Variants in PRKCD observed in about 807,000 individuals in gnomAD.
The protein encoded by PRKCD is protein kinase C delta type.
Under a neutral mutation model 82.2 loss-of-function variants are expected in PRKCD, and 20 were observed. The ratio of observed to expected loss-of-function variants is 0.24; its 90% CI spans 0.17 to 0.35. The LOEUF (loss-of-function observed/expected upper bound fraction) is 0.35. Ranked by LOEUF, PRKCD falls within the 10% of genes least tolerant of loss-of-function variation. The pLI is 1.00. For missense variants in PRKCD, 607 were observed against 899.0 expected, an observed-to-expected ratio of 0.68 and a Z score of 4.15; for synonymous variants, 317 against 337.0, an observed-to-expected ratio of 0.94 and a Z score of 0.65.
Position 53,184,877 on chromosome 3 carries a change from G to A in PRKCD, c.791G>A (p.Cys264Tyr). 6.2e-7 allele frequency: 1 copy of A among 1,613,762 alleles called. No homozygotes were observed. The highest frequency in any genetic ancestry group is 8.5e-7 in the Non-Finnish European group (1 of 1,179,782). The change falls in exon 10 of 19, where the codon TGC becomes TAC. Residue 264 changes from cysteine (C) to tyrosine (Y), a missense_variant. This residue lies in a region of PRKCD where 109 missense variants were observed against 155.6 expected (regional missense o/e 0.70). Coordinates refer to ENST00000330452, the MANE Select transcript of PRKCD (RefSeq NM_006254.4). ...CCCCGCTTCTCCCTCACCCCAGACT[G>A]CGGCATGAATGTGCACCATAAATGC... Reference protein sequence around the residue: ...LVKQGLKCEDCGMNVHHKCRE... With the variant: ...LVKQGLKCEDYGMNVHHKCRE...
rs1703546165 is a variant in PRKCD at position 53,183,496 on chromosome 3, G to A, written c.702G>A (p.Lys234=). 1.2e-6 allele frequency: 2 copies of A among 1,614,214 alleles called. No homozygotes were observed. The highest frequency in any genetic ancestry group is 1.7e-6 in the Non-Finnish European group (2 of 1,180,030). The change falls in exon 9 of 19, where the codon AAG becomes AAA. Residue 234 remains lysine (K), a synonymous_variant. Coordinates refer to ENST00000330452, the MANE Select transcript of PRKCD (RefSeq NM_006254.4). ...RFNIDMPHRF[K]VHNYMSPTFC... The stretch of plus-strand genomic sequence containing the variant: ...ACATCGACATGCCGCACCGCTTCAA[G>A]GTTCACAACTACATGAGCCCCACCT...
chr3:53,182,461 G>A (rs1163587182), intron 7 of PRKCD, among the ~76,000 whole-genome samples: 1 of 152,078 alleles, frequency 6.6e-6, no homozygotes, highest in African/African-American at 2.4e-5. Flanking sequence ...TAGAATAGGG[G>A]CTTTGTCATG....
At chr3:53,187,065 G>GTA (rs1422296619) in intron 14 of PRKCD, among the ~76,000 whole-genome samples, 2 of 152,190 alleles carry the variant, frequency 1.3e-5, no homozygotes, top group African/African-American at 2.4e-5. Context: ...GTGTATGTGT[G>GTA]TGTGTGTGTG....
At position 53,185,642 on chromosome 3, in the gene PRKCD, T is replaced by C; in HGVS notation, c.927T>C (p.Pro309=). ...SRRSDSASSE[P]VGIYQGFEKK... ...GATCAGACTCAGCCTCCTCAGAGCC[T>C]GTTGGGATATATCAGGGTTTCGAGA... is the stretch of plus-strand genomic sequence containing the variant. Residue 309 remains proline, a synonymous_variant, in exon 11 of 19, where the codon CCT becomes CCC. Coordinates refer to ENST00000330452, the MANE Select transcript of PRKCD (RefSeq NM_006254.4). 1 of 1,613,286 alleles carries C rather than the reference T, an allele frequency of 6.2e-7. No homozygotes were observed. The highest frequency in any genetic ancestry group is 1.1e-5 in the South Asian group (1 of 91,082).
chr3:53,188,261 T>C (rs1032577976), intron 15 of PRKCD, among the ~76,000 whole-genome samples: 3 of 146,706 alleles, frequency 2.0e-5, no homozygotes, highest in Non-Finnish European at 4.5e-5. Context: ...ACGCCTAGAA[T>C]TGCTCTAAGG....
rs576747810 is a variant in PRKCD, at chr3:53,181,732, C to T, written c.571C>T (p.Gln191Ter). The change falls in exon 7 of 19, where the codon CAA (glutamine) becomes TAA (stop). Residue 191 changes from glutamine (Q) to a stop codon, truncating the protein, a stop_gained and splice_region_variant. Coordinates refer to ENST00000330452, the MANE Select transcript of PRKCD (RefSeq NM_006254.4). LOFTEE classifies it high-confidence loss of function. ...CAACAAGCAAGGCTACAAATGCAGG[C>T]GTAAGTGTCTCCACAGGCCAGTTTG... ...GLNKQGYKCR[Q>*]CNAAIHKKCI... The T allele has an allele frequency of 1.1e-5, 17 of 1,614,084 alleles. No homozygotes were observed. Among genetic ancestry groups the T allele is most frequent in the Non-Finnish European group, 1.4e-5 (16 of 1,179,956 alleles).
intron 3 of PRKCD, 98 bp downstream of exon 3, chr3:53,178,635 G>A (rs1703307726): frequency 1.0e-6 from 1 of 1,004,772 alleles, no homozygotes; most frequent in African/African-American, 1.6e-5. Context: ...ACCTCTGAAG[G>A]ATTCTGCTCT....
chr3:53,188,098 G>T (rs1397032459), intron 15 of PRKCD, among the ~76,000 whole-genome samples: 2 of 145,078 alleles, frequency 1.4e-5, no homozygotes, highest in Non-Finnish European at 3.0e-5. Context: ...TGAGGCAGGA[G>T]AATTGCTTGA....
chr3:53,189,270 G>C lies in PRKCD; in HGVS notation c.1743+24G>C, dbSNP rs782508897. On this transcript the variant is annotated intron_variant, in intron 17 of 18. Coordinates refer to ENST00000330452, the MANE Select transcript of PRKCD (RefSeq NM_006254.4). The stretch of plus-strand genomic sequence containing the variant: ...AGGTGGAGGCCCTGGGCTGGGCTGG[G>C]CTGGTCTGGGCTGGGCTGGGGCAGG... 24 of 1,475,378 alleles carry C rather than the reference G, an allele frequency of 1.6e-5. 1 individual carries two copies. The East Asian group carries it at 1.9e-4, about 12-fold the overall frequency. The allele number at this position is 1,475,378 out of a possible 1,614,324, so 91.4% of individuals were successfully genotyped here.
At chr3:53,178,368 G>A (rs1417116515) in intron 2 of PRKCD, 36 bp from the exon 3 acceptor site, 3 of 1,478,558 alleles carry the variant, frequency 2.0e-6, no homozygotes, top group Admixed American at 3.5e-5. Context: ...CGCTGGTCCC[G>A]CCCGGCCGCC....
rs187958017 is a variant in PRKCD, at chr3:53,163,255, C to T, written c.-132+1827C>T. Among the ~76,000 whole-genome samples, 914 of 151,716 alleles carry T rather than the reference C, an allele frequency of 6.0e-3. 3 individuals carry two copies. The highest frequency in any genetic ancestry group is 9.1e-3 in the Non-Finnish European group (616 of 67,878). On this transcript the variant is annotated intron_variant, in intron 1 of 18. Transcript: ENST00000330452. ...CAGTCTATGAAACTGCCGGTGTATG[C>T]TTGGGGAGTGACTGTGATTGTGGGG... is the stretch of plus-strand genomic sequence containing the variant.
chr3:53,181,898 C>G (rs1553667691), intron 7 of PRKCD, 166 bp downstream of exon 7: 2 of 1,041,042 alleles, frequency 1.9e-6, no homozygotes, highest in South Asian at 1.4e-5. Flanking sequence ...GGCTGGCTTG[C>G]TGCTGCTCTG....
intron 3 of PRKCD, 64 bp downstream of exon 3, chr3:53,178,601 G>C: frequency 7.0e-7 from 1 of 1,422,364 alleles, no homozygotes; most frequent in African/African-American, 1.4e-5. Flanking sequence ...AAGGACTGGA[G>C]GGGGCCTGGC....
chr3:53,164,458 C>T (rs1702770193), intron 1 of PRKCD, among the ~76,000 whole-genome samples: 2 of 152,194 alleles, frequency 1.3e-5, no homozygotes, highest in East Asian at 3.9e-4. Flanking sequence ...TGGCGCGCAC[C>T]TGTAATCTCA....
At chr3:53,186,413 G>C in intron 13 of PRKCD, 73 bp downstream of exon 13, 1 of 1,582,944 alleles carries the variant, frequency 6.3e-7, no homozygotes. Flanking sequence ...CCCTCAGTCA[G>C]GGCTGTGTCT....
chr3:53,180,325 G>A (rs563638649), intron 4 of PRKCD, among the ~76,000 whole-genome samples: 1 of 152,304 alleles, frequency 6.6e-6, no homozygotes, highest in East Asian at 1.9e-4. Flanking sequence ...AGCCATTGAG[G>A]GGGCAACATA....
chr3:53,183,729 C>T (rs147532778), intron 9 of PRKCD, 148 bp downstream of exon 9: 2 of 1,202,956 alleles, frequency 1.7e-6, no homozygotes, highest in Non-Finnish European at 2.3e-6. Flanking sequence ...CTTGGTGGAC[C>T]CTCCCCACTG....
At chr3:53,170,991 G>A (rs149243678) in intron 2 of PRKCD, among the ~76,000 whole-genome samples, 493 of 152,226 alleles carry the variant, frequency 3.2e-3, no homozygotes, top group Middle Eastern at 6.8e-3. Context: ...ACAGCAGTGT[G>A]TGTACGTACC....
intron 14 of PRKCD, 130 bp downstream of exon 14, chr3:53,186,825 C>A: frequency 5.2e-6 from 5 of 968,394 alleles, no homozygotes; most frequent in African/African-American, 1.6e-5. Flanking sequence ...AGAGCGGCAA[C>A]TGGGGAGATG....
Sources: gnomAD v4.1 joint callset for allele counts (sites outside exome capture counted in the v4.1 genomes callset) on GRCh38, gnomAD v4.1.1 for gene constraint, gnomAD v4.1.1 regional missense constraint, MANE v1.5 for transcripts, NCBI Gene and HGNC (gene_info 2026-07-23, HGNC 2026-07-21) for gene names.